The following MEIKIN variants were observed in gnomAD, a reference collection of about 807,000 sequenced individuals.
MEIKIN encodes the protein meiotic kinetochore factor.
intron 11 of MEIKIN, among the ~76,000 whole-genome samples, chr5:131,835,269 C>T (rs192521748): frequency 3.3e-5 from 5 of 150,706 alleles, no homozygotes; most frequent in Admixed American, 6.6e-5. Flanking sequence ...ATGATATCAA[C>T]TCCTTATCAG....
chr5:131,912,791 T>C (rs1422775867), intron 7 of MEIKIN, among the ~76,000 whole-genome samples: 2 of 152,192 alleles, frequency 1.3e-5, no homozygotes, highest in Non-Finnish European at 2.9e-5. Flanking sequence ...TTCAGTGTAA[T>C]ATTACAAATC....
intron 7 of MEIKIN, among the ~76,000 whole-genome samples, chr5:131,912,731 C>A (rs1034569589): frequency 6.6e-6 from 1 of 152,174 alleles, no homozygotes; most frequent in Non-Finnish European, 1.5e-5. Context: ...TTTACTAACA[C>A]CTTTCTGGCA....
At chr5:131,895,621 G>A (rs1751026432) in intron 8 of MEIKIN, among the ~76,000 whole-genome samples, 1 of 152,098 alleles carries the variant, frequency 6.6e-6, no homozygotes, top group Non-Finnish European at 1.5e-5. Context: ...TCTTGGGAGG[G>A]TGTATGTGTC....
chr5:131,869,132 A>T (rs1216038293), intron 9 of MEIKIN, among the ~76,000 whole-genome samples: 1 of 152,130 alleles, frequency 6.6e-6, no homozygotes, highest in Non-Finnish European at 1.5e-5. Flanking sequence ...TAGGTCCATG[A>T]CCCATTGTGA....
chr5:131,885,065 T>C (rs1026119778), intron 8 of MEIKIN, among the ~76,000 whole-genome samples: 2 of 152,144 alleles, frequency 1.3e-5, no homozygotes, highest in African/African-American at 2.4e-5. Context: ...TCCTGGCTCA[T>C]GGACAGCCAC....
chr5:131,890,138 G>A (rs183682978), intron 8 of MEIKIN, among the ~76,000 whole-genome samples: 132 of 145,850 alleles, frequency 9.1e-4, no homozygotes, highest in African/African-American at 3.1e-3. Context: ...GGATTTTTGC[G>A]AAGGATATTG....
intron 11 of MEIKIN, among the ~76,000 whole-genome samples, chr5:131,824,065 T>C (rs1749566618): frequency 6.6e-6 from 1 of 152,174 alleles, no homozygotes; most frequent in Non-Finnish European, 1.5e-5. Context: ...GGTATGGTGA[T>C]CCAAGCACCC....
At chr5:131,860,160 T>C (rs991848910) in intron 9 of MEIKIN, among the ~76,000 whole-genome samples, 5 of 152,170 alleles carry the variant, frequency 3.3e-5, no homozygotes, top group African/African-American at 1.2e-4. Flanking sequence ...TCATGTCTAA[T>C]GATATGAATT....
chr5:131,857,038 T>C lies in MEIKIN; in HGVS notation c.775-2204A>G, dbSNP rs143669179. Among the ~76,000 whole-genome samples the C allele has an allele frequency of 4.4e-3, 672 of 152,042 alleles. 12 individuals carry two copies. The highest frequency in any genetic ancestry group is 0.016 in the African/African-American group (653 of 41,526). On this transcript the variant is annotated intron_variant, in intron 9 of 12. Transcript: ENST00000442687. ...TAGTTACATATGTATACATGTGCCATGTTGGTGTGCTGCAGCCATTAACTC... is the reference window on the plus strand; with the variant it reads ...TAGTTACATATGTATACATGTGCCACGTTGGTGTGCTGCAGCCATTAACTC...
At chr5:131,937,643 G>A (rs917851892) in intron 4 of MEIKIN, among the ~76,000 whole-genome samples, 3 of 151,956 alleles carry the variant, frequency 2.0e-5, no homozygotes, top group African/African-American at 7.3e-5. Context: ...CAACTTTTGA[G>A]TGGGAGTCCA....
chr5:131,847,093 T>C (rs1288660473), intron 11 of MEIKIN, among the ~76,000 whole-genome samples: 3 of 151,742 alleles, frequency 2.0e-5, no homozygotes, highest in Admixed American at 2.0e-4. Flanking sequence ...AATATTTCAC[T>C]ACAAAAAATC....
chr5:131,905,491 T>C (rs900186560), intron 8 of MEIKIN, among the ~76,000 whole-genome samples: 2 of 151,410 alleles, frequency 1.3e-5, no homozygotes, highest in African/African-American at 4.9e-5. Flanking sequence ...AAAACATCAA[T>C]GAATCAGGGG....
intron 11 of MEIKIN, among the ~76,000 whole-genome samples, chr5:131,849,597 A>G (rs1750076664): frequency 7.4e-6 from 1 of 134,864 alleles, no homozygotes; most frequent in South Asian, 2.5e-4. Context: ...ATATATATAA[A>G]GAAACCTCTT....
chr5:131,807,411 A>T (rs1249421614), intron 12 of MEIKIN, among the ~76,000 whole-genome samples, 153 bp from the exon 13 acceptor site: 4 of 145,418 alleles, frequency 2.8e-5, no homozygotes, highest in South Asian at 4.3e-4. Context: ...GAGGCCATTT[A>T]AAAAAAAAAA....
intron 4 of MEIKIN, among the ~76,000 whole-genome samples, chr5:131,936,167 A>G (rs1580915433): frequency 6.6e-6 from 1 of 152,376 alleles, no homozygotes; most frequent in South Asian, 2.1e-4. Context: ...ATAAATGTTA[A>G]TGCTGTATCA....
rs146471247 is a variant in MEIKIN at position 131,903,990 on chromosome 5, G to A, written c.703+7825C>T. Among the ~76,000 whole-genome samples the A allele has an allele frequency of 1.1e-3, 169 of 149,866 alleles. 1 individual carries two copies. Among genetic ancestry groups the A allele is most frequent in the African/African-American group, 3.8e-3 (154 of 40,834 alleles). On this transcript the variant is annotated intron_variant, in intron 8 of 12. Transcript: ENST00000442687. ...AAAAACAAAAAAACAAAAAAATAAC[G>A]GAAAAAAAGCAGATGCTGCTATTCT...
intron 12 of MEIKIN, among the ~76,000 whole-genome samples, chr5:131,817,473 G>A (rs751259630): frequency 7.2e-5 from 11 of 151,974 alleles, no homozygotes; most frequent in South Asian, 2.1e-4. Context: ...AAAATTAGCC[G>A]GGCGTGGTGG....
intron 11 of MEIKIN, among the ~76,000 whole-genome samples, 153 bp from the exon 12 acceptor site, chr5:131,819,016 A>G (rs1429046449): frequency 6.6e-6 from 1 of 152,220 alleles, no homozygotes; most frequent in East Asian, 1.9e-4. Context: ...TCCTAACAGT[A>G]ATTGGTTTTA....
intron 12 of MEIKIN, among the ~76,000 whole-genome samples, chr5:131,808,915 A>C (rs759921139): frequency 1.3e-5 from 2 of 152,122 alleles, no homozygotes; most frequent in Admixed American, 6.5e-5. Flanking sequence ...GTCTCTACAA[A>C]ATACATAAAG....
Sources: allele counts gnomAD v4.1 joint callset (sites outside exome capture counted in the v4.1 genomes callset), GRCh38; gene constraint gnomAD v4.1.1; transcripts MANE v1.5; gene names NCBI Gene and HGNC (gene_info 2026-07-23, HGNC 2026-07-21).